The following TBCD variants were observed in gnomAD, a reference collection of about 807,000 sequenced individuals.
TBCD encodes tubulin folding cofactor D.
Under a neutral mutation model 169.3 loss-of-function variants are expected in TBCD, and 105 were observed. That is an observed-to-expected ratio of 0.62 (90% CI 0.53 to 0.73). The LOEUF is 0.73. Ranked by LOEUF, TBCD falls within the 30% of genes least tolerant of loss-of-function variation. The pLI is 0.00. For synonymous variants in TBCD, 700 were observed against 643.9 expected, an observed-to-expected ratio of 1.09 and a Z score of -1.32; for missense variants, 1,444 against 1,600.1, an observed-to-expected ratio of 0.90 and a Z score of 1.66.
intron 3 of TBCD, among the ~76,000 whole-genome samples, chr17:82,765,320 C>T (rs2047959839): frequency 3.7e-5 from 1 of 26,750 alleles, no homozygotes; most frequent in Non-Finnish European, 6.4e-5. Context: ...TACAAGCTTG[C>T]GGGTGTCTGT....
chr17:82,812,490 A>T (rs1266867909), intron 12 of TBCD, among the ~76,000 whole-genome samples: 2 of 152,172 alleles, frequency 1.3e-5, no homozygotes, highest in Non-Finnish European at 2.9e-5. Flanking sequence ...GACCTGGGGC[A>T]CCCGTTTCGC....
chr17:82,926,512 C>T (rs1268651894), intron 28 of TBCD, 21 bp downstream of exon 28: 9 of 1,608,528 alleles, frequency 5.6e-6, no homozygotes, highest in Non-Finnish European at 7.7e-6. Flanking sequence ...ACAGTTCCTC[C>T]CTAAAGTCGT....
At chr17:82,818,266 C>T in intron 13 of TBCD, among the ~76,000 whole-genome samples, 1 of 152,172 alleles carries the variant, frequency 6.6e-6, no homozygotes, top group East Asian at 1.9e-4. Flanking sequence ...CTTTGCAGCC[C>T]CCATTCTGTT....
rs1348093112 is a variant in TBCD at position 82,930,356 on chromosome 17, G to A, written c.2992-166G>A. On this transcript the variant is annotated intron_variant, in intron 32 of 38. Coordinates refer to ENST00000355528, the MANE Select transcript of TBCD (RefSeq NM_005993.5). The surrounding 1 kb of genome is among the most constrained non-coding windows in gnomAD (Gnocchi z 5.2). ...TCTGCTTCGGGTGTCTGCACTGTGA[G>A]TGGCTCCGTGCTGGCGTCCGCACCA... The A allele has an allele frequency of 2.1e-6, 2 of 953,720 alleles. No individual in the cohort carries two copies. The highest frequency in any genetic ancestry group is 3.0e-6 in the Non-Finnish European group (2 of 661,722). The allele number at this position is 953,720 out of a possible 1,614,324, so 59.1% of individuals were successfully genotyped here.
chr17:82,832,138 G>C lies in TBCD; in HGVS notation c.1318+17204G>C. On this transcript the variant is annotated intron_variant, in intron 13 of 38. Coordinates refer to ENST00000355528, the MANE Select transcript of TBCD (RefSeq NM_005993.5). The surrounding 1 kb of genome is among the most constrained non-coding windows in gnomAD (Gnocchi z 4.9). ...GTTTTCCTTGATGTCTTCCCTGGCA[G>C]AGCTGTGCTGAAGCTTCGAGTCGAA... 1 of 1,614,230 alleles carries C rather than the reference G, an allele frequency of 6.2e-7. No individual in the cohort carries two copies.
chr17:82,765,719 A>T lies in TBCD; in HGVS notation c.334-548A>T, dbSNP rs1029107823. On this transcript the variant is annotated intron_variant, in intron 3 of 38. Transcript: ENST00000355528. ...ATTTGGGCCCTTGCGGTTTGTAGGCACTTATTCCTCATAAATGTCAGAGGA... is the reference window on the plus strand; with the variant it reads ...ATTTGGGCCCTTGCGGTTTGTAGGCTCTTATTCCTCATAAATGTCAGAGGA... 4.6e-5 allele frequency among the ~76,000 whole-genome samples: 7 copies of T among 152,206 alleles called. No individual in the cohort carries two copies. The South Asian group carries it at 1.4e-3, about 31-fold the overall frequency.
rs1233833575 is a variant in TBCD, at chr17:82,927,924, A to T, written c.2629A>T (p.Thr877Ser). ...CATCAGGGTCCGCAAGGCCGCCATGACCAGTCTGATGGATCTGACACTTCT... is the reference window on the plus strand; with the variant it reads ...CATCAGGGTCCGCAAGGCCGCCATGTCCAGTCTGATGGATCTGACACTTCT... The part of the protein sequence containing the change: ...VGTWVRKAAM[T>S]SLMDLTLLLA... The change falls in exon 30 of 39, where the codon ACC (threonine) becomes TCC (serine). Residue 877 changes from threonine to serine, a missense_variant. By Grantham distance (58) the Thr-to-Ser change is moderately conservative. Transcript: ENST00000355528. 6.2e-7 allele frequency: 1 copy of T among 1,613,406 alleles called. No individual in the cohort carries two copies. Among genetic ancestry groups the T allele is most frequent in the Non-Finnish European group, 8.5e-7 (1 of 1,179,756 alleles).
rs114605402 is a variant in TBCD, at chr17:82,928,434, G to A, written c.2693+446G>A. Among the ~76,000 whole-genome samples the A allele has an allele frequency of 6.1e-3, 921 of 152,182 alleles. 4 individuals are homozygous for A. Among genetic ancestry groups the A allele is most frequent in the Middle Eastern group, 0.027 (8 of 294 alleles). On this transcript the variant is annotated intron_variant, in intron 30 of 38. Transcript: ENST00000355528. Reference sequence around the variant, plus strand: ...TGCCCTTGCTGTGTGTCTCTGTCGGGGGCACGGGGTTGTGGGTACCCCCAG... The same window carrying A: ...TGCCCTTGCTGTGTGTCTCTGTCGGAGGCACGGGGTTGTGGGTACCCCCAG...
chr17:82,823,939 C>G (rs1027160447), intron 13 of TBCD, among the ~76,000 whole-genome samples: 4 of 152,020 alleles, frequency 2.6e-5, no homozygotes, highest in Non-Finnish European at 2.9e-5. Flanking sequence ...GATGCTCCTT[C>G]CCTTCAACCC....
intron 13 of TBCD, among the ~76,000 whole-genome samples, chr17:82,819,505 C>T (rs77881969): frequency 0.013 from 1,976 of 152,232 alleles, 55 homozygotes; most frequent in African/African-American, 0.044. Context: ...AAGTAGCCTG[C>T]GCAACAAAAT....
intron 6 of TBCD, among the ~76,000 whole-genome samples, chr17:82,776,200 C>T (rs1376533272): frequency 6.6e-6 from 1 of 151,814 alleles, no homozygotes; most frequent in African/African-American, 2.4e-5. Flanking sequence ...GCCTGGGCAA[C>T]AGAGCAAGAC....
chr17:82,752,596 TG>T (rs942215902), intron 1 of TBCD, among the ~76,000 whole-genome samples: 2 of 151,922 alleles, frequency 1.3e-5, no homozygotes, highest in Admixed American at 1.3e-4. Flanking sequence ...GCGCCTCCCT[TG>T]GGGGGACCGT....
chr17:82,862,702 T>A (rs2056867829), intron 13 of TBCD, among the ~76,000 whole-genome samples: 1 of 152,214 alleles, frequency 6.6e-6, no homozygotes, highest in Non-Finnish European at 1.5e-5. Flanking sequence ...CCCCGCCATG[T>A]CTTTTTAGCT....
At chr17:82,798,794 G>A (rs2050290999) in intron 8 of TBCD, among the ~76,000 whole-genome samples, 1 of 152,110 alleles carries the variant, frequency 6.6e-6, no homozygotes, top group Non-Finnish European at 1.5e-5. Context: ...GTGTCGCCCA[G>A]GCTGGAATAC....
At chr17:82,870,111 C>T in intron 13 of TBCD, 113 bp from the exon 14 acceptor site, 4 of 1,450,900 alleles carry the variant, frequency 2.8e-6, no homozygotes, top group Middle Eastern at 1.8e-4. Flanking sequence ...GCTTGCGTGC[C>T]TCACTCATCT....
chr17:82,819,878 A>C (rs1196665594), intron 13 of TBCD, among the ~76,000 whole-genome samples: 1 of 151,900 alleles, frequency 6.6e-6, no homozygotes, highest in African/African-American at 2.4e-5. Flanking sequence ...GGCACTCCTC[A>C]CCATGAGTAA....
At chr17:82,939,066 C>A (rs141523560) in intron 36 of TBCD, 5 of 472,080 alleles carry the variant, frequency 1.1e-5, no homozygotes, top group African/African-American at 3.9e-5. Flanking sequence ...AGAGAGCAGG[C>A]GAGATTGCTT....
At chr17:82,761,518 TGTCA>T (rs2047753056) in intron 2 of TBCD, among the ~76,000 whole-genome samples, 1 of 152,198 alleles carries the variant, frequency 6.6e-6, no homozygotes, top group Non-Finnish European at 1.5e-5. Flanking sequence ...GTCCTTTTGC[TGTCA>T]GTCCCCTCAC....
At chr17:82,834,635 C>T (rs2053810279) in intron 13 of TBCD, among the ~76,000 whole-genome samples, 2 of 150,708 alleles carry the variant, frequency 1.3e-5, no homozygotes, top group Admixed American at 1.3e-4. Context: ...ACCAAACGTG[C>T]ATGGTCTCAC....
Sources: gnomAD v4.1 joint callset for allele counts (sites outside exome capture counted in the v4.1 genomes callset) on GRCh38, gnomAD v4.1.1 for gene constraint, Gnocchi (gnomAD v3.1) non-coding constraint, MANE v1.5 for transcripts, NCBI Gene and HGNC (gene_info 2026-07-23, HGNC 2026-07-21) for gene names.